ADGRG2: variants seen among roughly 807,000 people sequenced by gnomAD.
The protein encoded by ADGRG2 is G protein-coupled receptor 64.
Under a neutral mutation model 74.1 loss-of-function variants are expected in ADGRG2, and 26 were observed. The ratio of observed to expected loss-of-function variants is 0.35; its 90% confidence interval spans 0.26 to 0.49. The LOEUF (loss-of-function observed/expected upper bound fraction) is 0.49. Among genes scored for constraint, ADGRG2 ranks in the 20% least tolerant of loss-of-function variants. The pLI, the probability that ADGRG2 is intolerant of heterozygous loss-of-function variation, is 0.99. For synonymous variants in ADGRG2, 296 were observed against 295.2 expected (o/e 1.00, Z -0.03); for missense variants, 619 against 763.1 (o/e 0.81, Z 2.22).
chrX:19,076,534 C>T (rs1254168685), intron 2 of ADGRG2, among the ~76,000 whole-genome samples: 1 of 111,836 alleles, frequency 8.9e-6, no homozygotes, highest in African/African-American at 3.3e-5. Flanking sequence ...TTTGGGAGGC[C>T]GAGATGGGCA....
At chrX:19,097,041 C>A (rs2062107608) in intron 1 of ADGRG2, among the ~76,000 whole-genome samples, 1 of 112,444 alleles carries the variant, frequency 8.9e-6, no homozygotes, top group African/African-American at 3.2e-5. Flanking sequence ...CATGGGCCTG[C>A]TGCCCTTCCT....
intron 3 of ADGRG2, among the ~76,000 whole-genome samples, chrX:19,049,205 T>C (rs1220281346): frequency 5.4e-5 from 6 of 111,988 alleles, no homozygotes; most frequent in African/African-American, 1.9e-4. Flanking sequence ...TGTCACCTTC[T>C]CCGAGAGGCT....
intron 3 of ADGRG2, among the ~76,000 whole-genome samples, chrX:19,064,138 T>C (rs1041461650): frequency 6.3e-5 from 7 of 111,542 alleles, no homozygotes; most frequent in African/African-American, 2.3e-4. Context: ...CCCATGGACA[T>C]AGATGATCCT....
intron 1 of ADGRG2, among the ~76,000 whole-genome samples, chrX:19,105,948 A>AAG (rs1555912625): frequency 9.4e-6 from 1 of 106,523 alleles, no homozygotes; most frequent in African/African-American, 3.4e-5. Flanking sequence ...AAAAAAAAAA[A>AAG]AAGAAGAAGA....
chrX:19,114,789 G>T (rs1052418065), intron 1 of ADGRG2, among the ~76,000 whole-genome samples: 1 of 111,602 alleles, frequency 9.0e-6, no homozygotes, highest in Admixed American at 9.5e-5. Context: ...GGAATTGTGC[G>T]CACTCCTTGC....
chrX:19,083,063 G>A (rs751548479), intron 1 of ADGRG2, among the ~76,000 whole-genome samples: 57 of 111,611 alleles, frequency 5.1e-4, no homozygotes, highest in South Asian at 1.5e-3. Context: ...GAGTGCAGTG[G>A]CATGATCTCG....
At chrX:19,095,833 G>C (rs893366015) in intron 1 of ADGRG2, among the ~76,000 whole-genome samples, 4 of 110,182 alleles carry the variant, frequency 3.6e-5, no homozygotes, top group African/African-American at 1.3e-4. Flanking sequence ...GGGCAACATA[G>C]TGAGACCCTC....
chrX:19,108,434 G>C (rs2062354838), intron 1 of ADGRG2, among the ~76,000 whole-genome samples: 1 of 111,850 alleles, frequency 8.9e-6, no homozygotes, highest in African/African-American at 3.2e-5. Flanking sequence ...GTATTTACCT[G>C]GTAGTAATGC....
At chrX:19,077,232 C>T (rs2061762837) in intron 2 of ADGRG2, among the ~76,000 whole-genome samples, 1 of 108,672 alleles carries the variant, frequency 9.2e-6, no homozygotes, top group South Asian at 4.0e-4. Flanking sequence ...TGCAGTGGCT[C>T]ACGCCTGTAA....
At chrX:19,008,926 C>T (rs1300125227) in intron 18 of ADGRG2, among the ~76,000 whole-genome samples, 1 of 111,041 alleles carries the variant, frequency 9.0e-6, no homozygotes, top group Non-Finnish European at 1.9e-5. Flanking sequence ...GCCCCCAATC[C>T]CTCTAAATAG....
At chrX:19,018,483 G>A (rs1385489806) in intron 15 of ADGRG2, among the ~76,000 whole-genome samples, 1 of 110,194 alleles carries the variant, frequency 9.1e-6, no homozygotes, top group African/African-American at 3.3e-5. Context: ...CTCTGAGCCT[G>A]GTGACTGGGA....
At chrX:19,109,411 G>C (rs770447600) in intron 1 of ADGRG2, among the ~76,000 whole-genome samples, 10 of 111,742 alleles carry the variant, frequency 8.9e-5, no homozygotes, top group African/African-American at 2.6e-4. Flanking sequence ...CACTACAAGA[G>C]CTTTCCCAAA....
chrX:19,103,510 T>C (rs940141585), intron 1 of ADGRG2, among the ~76,000 whole-genome samples: 2 of 112,088 alleles, frequency 1.8e-5, no homozygotes, highest in Admixed American at 1.9e-4. Context: ...TGATTTCACT[T>C]TACTCTATGG....
intron 1 of ADGRG2, among the ~76,000 whole-genome samples, chrX:19,087,094 A>C (rs2061946305): frequency 8.9e-6 from 1 of 111,828 alleles, no homozygotes; most frequent in South Asian, 3.8e-4. Flanking sequence ...ATCGAGGAAC[A>C]AACAAGAGTG....
chrX:19,022,414 C>A (rs1187826269), intron 13 of ADGRG2, among the ~76,000 whole-genome samples: 1 of 111,770 alleles, frequency 8.9e-6, no homozygotes, highest in Non-Finnish European at 1.9e-5. Context: ...GTGAAATGAA[C>A]TAAATACGTA....
intron 1 of ADGRG2, among the ~76,000 whole-genome samples, chrX:19,112,988 C>CA (rs756477082): frequency 0.014 from 1,015 of 71,364 alleles, 12 homozygotes; most frequent in African/African-American, 0.028. Flanking sequence ...AAAAAAAAAC[C>CA]AAAAAAAAAA....
chrX:19,105,141 G>A (rs192175565), intron 1 of ADGRG2, among the ~76,000 whole-genome samples: 1 of 110,495 alleles, frequency 9.1e-6, no homozygotes, highest in Admixed American at 9.7e-5. Context: ...CTGCTTCTTC[G>A]AGATGGAGTC....
At chrX:19,003,912 C>T (rs1401363234) in intron 23 of ADGRG2, among the ~76,000 whole-genome samples, 1 of 111,719 alleles carries the variant, frequency 9.0e-6, no homozygotes, top group Non-Finnish European at 1.9e-5. Context: ...TAGGAGAAGC[C>T]AGCTAATTGA....
rs143462552 is a variant in ADGRG2 at position 19,103,269 on chromosome X, C to A, written c.-47+19173G>T. ...AAAAACACTCCCACCAGCGCCATGACGGTTTACAAATGCCATGGCAACATC... is the reference window on the plus strand; with the variant it reads ...AAAAACACTCCCACCAGCGCCATGAAGGTTTACAAATGCCATGGCAACATC... On this transcript the variant is annotated intron_variant, in intron 1 of 28. Coordinates refer to ENST00000379869, the MANE Select transcript of ADGRG2 (RefSeq NM_001079858.3). 7.8e-3 allele frequency among the ~76,000 whole-genome samples: 866 copies of A among 111,592 alleles called. 8 individuals are homozygous for A. Among genetic ancestry groups the A allele is most frequent in the African/African-American group, 0.027 (836 of 30,691 alleles).
Sources: allele counts gnomAD v4.1 joint callset (sites outside exome capture counted in the v4.1 genomes callset), GRCh38; gene constraint gnomAD v4.1.1; transcripts MANE v1.5; gene names NCBI Gene and HGNC (gene_info 2026-07-23, HGNC 2026-07-21).